Variants in NCKAP1 observed in about 807,000 individuals in gnomAD.
NCKAP1 encodes NCK associated protein 1.
Under a neutral mutation model 151.2 loss-of-function variants are expected in NCKAP1, and 21 were observed. That is an observed-to-expected ratio of 0.14 (90% CI 0.10 to 0.20). The LOEUF is 0.20. NCKAP1 is among the 10% of genes least tolerant of loss of function. The pLI is 1.00. For synonymous variants in NCKAP1, 484 were observed against 451.8 expected (o/e 1.07, Z -0.90); for missense variants, 933 against 1,352.1 (o/e 0.69, Z 4.86).
intron 13 of NCKAP1, 123 bp downstream of exon 13, chr2:182,981,121 A>G: frequency 7.8e-7 from 1 of 1,279,686 alleles, no homozygotes. Context: ...GATCTCCAAA[A>G]TATAAACATG....
At chr2:182,942,011 G>T in intron 24 of NCKAP1, 59 bp downstream of exon 24, 2 of 1,388,732 alleles carry the variant, frequency 1.4e-6, no homozygotes, top group Non-Finnish European at 2.0e-6. Context: ...TTGAGCCAAA[G>T]CTAAATACTG....
chr2:183,012,779 ATTTT>A (rs58239552), intron 2 of NCKAP1, among the ~76,000 whole-genome samples: 1 of 127,856 alleles, frequency 7.8e-6, no homozygotes, highest in South Asian at 2.5e-4. Context: ...ACACCTGGCT[ATTTT>A]TTTTTTTTTT....
chr2:182,913,470 G>C lies in NCKAP1; in HGVS notation c.*12232C>G, dbSNP rs748828043. ...GTGAGTCTGTTATAAAAGTCAGTTT[G>C]GCTCTCTCTGGTGAATCCCACCCCC... On this transcript the variant is annotated 3_prime_UTR_variant, in exon 31 of 31. Transcript: ENST00000361354. 3 of 152,372 alleles carry C rather than the reference G, an allele frequency of 2.0e-5. No homozygotes were observed. Among genetic ancestry groups the C allele is most frequent in the Non-Finnish European group, 4.4e-5 (3 of 68,094 alleles). The allele number at this position is 152,372 out of a possible 1,614,324, so 9.4% of individuals were successfully genotyped here. A position where few individuals can be genotyped will look rare whatever the true frequency, so the allele number is the denominator to read the frequency against.
chr2:182,987,228 C>A (rs1170861107), intron 9 of NCKAP1, among the ~76,000 whole-genome samples: 1 of 151,600 alleles, frequency 6.6e-6, no homozygotes, highest in Non-Finnish European at 1.5e-5. Flanking sequence ...GGTGACAGAG[C>A]GAAACTCTTG....
At chr2:182,966,789 T>C (rs1032703780) in intron 16 of NCKAP1, among the ~76,000 whole-genome samples, 6 of 151,994 alleles carry the variant, frequency 3.9e-5, no homozygotes, top group East Asian at 3.9e-4. Context: ...ATGCAGGAGG[T>C]AGTCACCACA....
intron 16 of NCKAP1, among the ~76,000 whole-genome samples, chr2:182,965,277 G>GA (rs71008252): frequency 0.96 from 142,325 of 147,832 alleles, 68,531 homozygotes; most frequent in East Asian, 1. Flanking sequence ...GAACCACTAA[G>GA]AAAAAAAAAA....
intron 24 of NCKAP1, among the ~76,000 whole-genome samples, chr2:182,939,170 T>C (rs76146190): frequency 0.045 from 6,776 of 152,204 alleles, 207 homozygotes; most frequent in South Asian, 0.13. Context: ...AGAAACAGAA[T>C]GTCAGAGAAT....
rs1428386855 is a variant in NCKAP1, at chr2:182,982,872, A to T, written c.1157T>A (p.Leu386His). ...SFARDEIIWL[L>H]RHADNMPKKS... ...CTTTGGCATGTTATCTGCATGACGA[A>T]GTAGCCAGATGATTTCATCACGGGC... Residue 386 changes from leucine (L) to histidine (H), a missense_variant, in exon 12 of 31, where the codon CTT becomes CAT. Leu to His is a moderately conservative substitution (Grantham distance 99, BLOSUM62 -3). Coordinates refer to ENST00000361354, the MANE Select transcript of NCKAP1 (RefSeq NM_013436.5). 3 of 1,612,250 alleles carry T rather than the reference A, an allele frequency of 1.9e-6. No homozygotes were observed. Among genetic ancestry groups the T allele is most frequent in the Non-Finnish European group, 2.5e-6 (3 of 1,179,122 alleles).
At chr2:182,952,367 T>G (rs1440519947) in intron 23 of NCKAP1, 38 bp downstream of exon 23, 3 of 1,348,156 alleles carry the variant, frequency 2.2e-6, no homozygotes, top group Non-Finnish European at 2.1e-6. Context: ...TTTCAGGAAT[T>G]AATGTTTAAA....
intron 2 of NCKAP1, chr2:183,022,954 A>G (rs1698822688): frequency 6.6e-6 from 1 of 152,216 alleles, no homozygotes; most frequent in Non-Finnish European, 1.5e-5. Context: ...GAGATAACTC[A>G]CTATTTTTGG....
At chr2:183,003,788 A>T (rs1698416299) in intron 2 of NCKAP1, among the ~76,000 whole-genome samples, 1 of 152,142 alleles carries the variant, frequency 6.6e-6, no homozygotes, top group Non-Finnish European at 1.5e-5. Context: ...TGTAGATACA[A>T]ACATAAAATA....
rs528313235 is a variant in NCKAP1, at chr2:182,910,951, C to CCCG, written c.*14750_*14751insCGG. ...GGAAATAAAAATAAAATCCTAAGCT[C>CCCG]CCCCCCCACATTTGACTAAACAGAC... On this transcript the variant is annotated 3_prime_UTR_variant, in exon 31 of 31. Transcript: ENST00000361354. The CCCG allele has an allele frequency of 2.3e-5, 3 of 128,314 alleles. No homozygotes were observed. The highest frequency in any genetic ancestry group is 4.4e-4 in the East Asian group (2 of 4,588). The allele number at this position is 128,314 out of a possible 1,614,324, so 7.9% of individuals were successfully genotyped here.
chr2:182,994,760 T>A (rs1170415738), intron 8 of NCKAP1, 79 bp downstream of exon 8: 5 of 1,130,646 alleles, frequency 4.4e-6, no homozygotes, highest in Non-Finnish European at 6.7e-6. Context: ...AGCACAGAGG[T>A]AGTAACCATG....
intron 29 of NCKAP1, 29 bp downstream of exon 29, chr2:182,928,088 G>T (rs1477443466): frequency 1.4e-6 from 2 of 1,440,942 alleles, no homozygotes; most frequent in South Asian, 1.2e-5. Context: ...TATAAAATGT[G>T]ATGAGTTTTG....
intron 23 of NCKAP1, 44 bp from the exon 24 acceptor site, chr2:182,942,207 G>T (rs1210758800): frequency 2.1e-6 from 3 of 1,423,634 alleles, no homozygotes; most frequent in South Asian, 1.2e-5. Context: ...AGACCTCTTT[G>T]TGTTAATGAG....
chr2:182,998,835 A>C (rs374513670), intron 6 of NCKAP1, among the ~76,000 whole-genome samples: 848 of 82,754 alleles, frequency 0.01, 3 homozygotes, highest in African/African-American at 0.033. Flanking sequence ...AGACTCCAAC[A>C]AAAAAAAAAA....
At chr2:182,964,003 C>A (rs1266389315) in intron 17 of NCKAP1, among the ~76,000 whole-genome samples, 2 of 152,018 alleles carry the variant, frequency 1.3e-5, no homozygotes, top group South Asian at 4.1e-4. Context: ...TCTACAAGTT[C>A]TGCAATTTTA....
At chr2:183,024,905 G>A (rs746345109) in intron 1 of NCKAP1, 9 of 1,535,962 alleles carry the variant, frequency 5.9e-6, no homozygotes, top group Non-Finnish European at 8.1e-6. Context: ...ATTGCAGAAA[G>A]AGAAGTTATG....
In NCKAP1 at chr2:182,957,725, A is replaced by G. The variant is rs576980773; in HGVS notation, c.1882-129T>C. The G allele has an allele frequency of 2.3e-5, 23 of 1,005,194 alleles. No homozygotes were observed. In the African/African-American group the frequency reaches 2.6e-4, roughly 12 times the overall value. The allele number at this position is 1,005,194 out of a possible 1,614,324, so 62.3% of individuals were successfully genotyped here. A position where few individuals can be genotyped will look rare whatever the true frequency, so the allele number is the denominator to read the frequency against. ...CACAACAATATTAAAAGACAGAAAT[A>G]TAAGTGAGATACAGAGCTTACTTAG... On this transcript the variant is annotated intron_variant, in intron 18 of 30. Coordinates refer to ENST00000361354, the MANE Select transcript of NCKAP1 (RefSeq NM_013436.5).
Sources: gnomAD v4.1 joint callset for allele counts (sites outside exome capture counted in the v4.1 genomes callset) on GRCh38, gnomAD v4.1.1 for gene constraint, MANE v1.5 for transcripts, NCBI Gene and HGNC (gene_info 2026-07-23, HGNC 2026-07-21) for gene names.